The following CNTNAP5 variants were observed in gnomAD, a reference collection of about 807,000 sequenced individuals.
The protein encoded by CNTNAP5 is contactin associated protein family member 5.
Under a neutral mutation model 150.2 loss-of-function variants are expected in CNTNAP5, and 72 were observed. That is an observed-to-expected ratio of 0.48 (90% confidence interval 0.40 to 0.58). The LOEUF (loss-of-function observed/expected upper bound fraction) is 0.58, where lower values mean the gene tolerates loss of function less well. Among genes scored for constraint, CNTNAP5 ranks in the 20% least tolerant of loss-of-function variants. CNTNAP5 has a pLI of 0.00. For synonymous variants in CNTNAP5, 672 were observed against 619.8 expected, an observed-to-expected ratio of 1.08 and a Z score of -1.25; for missense variants, 1,636 against 1,626.2, an observed-to-expected ratio of 1.01 and a Z score of -0.10.
At chr2:124,598,469 C>G (rs1351591628) in intron 11 of CNTNAP5, among the ~76,000 whole-genome samples, 4 of 146,278 alleles carry the variant, frequency 2.7e-5, no homozygotes, top group African/African-American at 5.1e-5. Context: ...GGTCAGGGGT[C>G]AGGGACCCAC....
chr2:124,124,181 G>A (rs946220592), intron 1 of CNTNAP5, among the ~76,000 whole-genome samples: 1 of 152,072 alleles, frequency 6.6e-6, no homozygotes, highest in East Asian at 1.9e-4. Flanking sequence ...TTAGATGAAT[G>A]GCTAACTAAA....
intron 11 of CNTNAP5, among the ~76,000 whole-genome samples, chr2:124,565,442 C>T (rs1259781447): frequency 4.0e-5 from 6 of 151,468 alleles, no homozygotes; most frequent in African/African-American, 9.7e-5. Flanking sequence ...CAAAATATCT[C>T]GTGTACCCCA....
chr2:124,428,052 G>A (rs1326519782), intron 4 of CNTNAP5, among the ~76,000 whole-genome samples: 4 of 152,170 alleles, frequency 2.6e-5, no homozygotes, highest in Non-Finnish European at 5.9e-5. Flanking sequence ...CAGCAAGTTT[G>A]ATTCCTGATA....
chr2:124,044,553 G>C (rs1445512939), intron 1 of CNTNAP5, among the ~76,000 whole-genome samples: 2 of 152,266 alleles, frequency 1.3e-5, no homozygotes, highest in South Asian at 4.1e-4. Flanking sequence ...TTCAATTTCT[G>C]AATATAAACC....
chr2:124,586,278 T>G (rs909044836), intron 11 of CNTNAP5, among the ~76,000 whole-genome samples: 1 of 152,226 alleles, frequency 6.6e-6, no homozygotes, highest in Non-Finnish European at 1.5e-5. Flanking sequence ...ACTGATGATT[T>G]GATCTGTTCA....
At chr2:124,548,602 C>T (rs1415515798) in intron 10 of CNTNAP5, among the ~76,000 whole-genome samples, 2 of 151,838 alleles carry the variant, frequency 1.3e-5, no homozygotes, top group Non-Finnish European at 2.9e-5. Flanking sequence ...AATGTGCAAA[C>T]CAAATCTCTC....
chr2:124,030,502 A>G (rs1296384683), intron 1 of CNTNAP5, among the ~76,000 whole-genome samples: 2 of 152,130 alleles, frequency 1.3e-5, no homozygotes, highest in African/African-American at 4.8e-5. Context: ...AAGATATGAA[A>G]CTTACTCCAA....
chr2:124,780,502 T>C (rs1389265380), intron 17 of CNTNAP5, among the ~76,000 whole-genome samples: 1 of 152,174 alleles, frequency 6.6e-6, no homozygotes. Flanking sequence ...AAGGGGAAAG[T>C]TTCTTGCCAT....
intron 20 of CNTNAP5, among the ~76,000 whole-genome samples, chr2:124,869,143 C>A (rs1337153490): frequency 6.6e-6 from 1 of 152,132 alleles, no homozygotes; most frequent in Non-Finnish European, 1.5e-5. Flanking sequence ...TGTTCAGCTG[C>A]CCTCTCCTCC....
chr2:124,641,762 G>A (rs1013200276), intron 12 of CNTNAP5, among the ~76,000 whole-genome samples: 1 of 152,066 alleles, frequency 6.6e-6, no homozygotes, highest in Admixed American at 6.6e-5. Flanking sequence ...AATTAAGCTG[G>A]GTATTGACAA....
At chr2:124,131,367 T>A (rs1683838687) in intron 1 of CNTNAP5, among the ~76,000 whole-genome samples, 2 of 152,294 alleles carry the variant, frequency 1.3e-5, no homozygotes, top group African/African-American at 4.8e-5. Context: ...TCCCCCAGGA[T>A]CATTCAGTCC....
At chr2:124,029,094 G>A (rs970626175) in intron 1 of CNTNAP5, among the ~76,000 whole-genome samples, 1 of 151,990 alleles carries the variant, frequency 6.6e-6, no homozygotes, top group Non-Finnish European at 1.5e-5. Context: ...ATCTAAGTTT[G>A]TTGCTACATA....
intron 13 of CNTNAP5, among the ~76,000 whole-genome samples, chr2:124,693,840 CAA>C (rs142663614): frequency 2.5e-5 from 3 of 121,736 alleles, no homozygotes; most frequent in Non-Finnish European, 5.2e-5. Flanking sequence ...AAAAAAAAGG[CAA>C]AAAAAAAAAA....
intron 12 of CNTNAP5, among the ~76,000 whole-genome samples, chr2:124,630,122 T>C (rs1400688393): frequency 6.6e-6 from 1 of 151,754 alleles, no homozygotes; most frequent in Non-Finnish European, 1.5e-5. Context: ...CAGATAGATT[T>C]ATAGCTGAAC....
intron 3 of CNTNAP5, among the ~76,000 whole-genome samples, chr2:124,268,907 G>T (rs1558827567): frequency 1.3e-5 from 2 of 152,072 alleles, no homozygotes; most frequent in Admixed American, 6.6e-5. Context: ...GAATGAGAGG[G>T]TTGGGTGGAA....
At chr2:124,273,188 A>T (rs564549921) in intron 3 of CNTNAP5, among the ~76,000 whole-genome samples, 6 of 152,302 alleles carry the variant, frequency 3.9e-5, no homozygotes, top group African/African-American at 1.4e-4. Context: ...TATTCTTAGC[A>T]CCTCATCTGT....
intron 10 of CNTNAP5, among the ~76,000 whole-genome samples, chr2:124,557,147 G>C (rs1178798657): frequency 1.3e-5 from 2 of 152,044 alleles, no homozygotes; most frequent in African/African-American, 2.4e-5. Flanking sequence ...ATGGACATAA[G>C]TAATCAAAAG....
chr2:124,516,076 G>C (rs1037034415), intron 8 of CNTNAP5, among the ~76,000 whole-genome samples: 1 of 152,158 alleles, frequency 6.6e-6, no homozygotes, highest in Non-Finnish European at 1.5e-5. Context: ...ACAAAAATAA[G>C]AGAGGGAATT....
chr2:124,465,455 T>C, intron 6 of CNTNAP5, among the ~76,000 whole-genome samples: 1 of 151,944 alleles, frequency 6.6e-6, no homozygotes, highest in Non-Finnish European at 1.5e-5. Flanking sequence ...GCAAGAAAAG[T>C]AAGAAAAGAA....
Sources: gnomAD v4.1 joint callset for allele counts (sites outside exome capture counted in the v4.1 genomes callset) on GRCh38, gnomAD v4.1.1 for gene constraint, MANE v1.5 for transcripts, NCBI Gene and HGNC (gene_info 2026-07-23, HGNC 2026-07-21) for gene names.